STK24: variants seen among roughly 807,000 people sequenced by gnomAD.
The protein encoded by STK24 is serine/threonine kinase 24.
STK24 carries 21 observed loss-of-function variants against 55.6 expected under a neutral mutation model. That is an observed-to-expected ratio of 0.38 (90% CI 0.27 to 0.54). The LOEUF is 0.54. Among genes scored for constraint, STK24 ranks in the 20% least tolerant of loss-of-function variants. STK24 has a pLI of 0.79. For synonymous variants in STK24, 200 were observed against 215.2 expected (o/e 0.93, Z 0.62); for missense variants, 383 against 538.4 (o/e 0.71, Z 2.86).
Position 98,478,217 on chromosome 13 carries a change from G to C in STK24, c.331-2859C>G, listed in dbSNP as rs115426308. Among the ~76,000 whole-genome samples, 419 of 152,128 alleles carry C rather than the reference G, an allele frequency of 2.8e-3. 2 individuals carry two copies. Among genetic ancestry groups the C allele is most frequent in the African/African-American group, 9.3e-3 (384 of 41,510 alleles). On this transcript the variant is annotated intron_variant, in intron 3 of 10. Transcript: ENST00000539966. ...AGGCACTTGCAGACTCTTCAAATAG[G>C]ACCCAGGAAAAAAACCTAGACCACA...
At chr13:98,456,905 C>G in intron 10 of STK24, 1 of 551,966 alleles carries the variant, frequency 1.8e-6, no homozygotes, top group Non-Finnish European at 3.2e-6. Context: ...AGGTATTTCA[C>G]CACCACCCTG....
intron 2 of STK24, among the ~76,000 whole-genome samples, chr13:98,502,859 C>T (rs17574495): frequency 0.18 from 26,644 of 151,996 alleles, 2,770 homozygotes; most frequent in Non-Finnish European, 0.24. Context: ...AGGGAGAAGA[C>T]AGCACTGGGA....
In STK24 at chr13:98,519,467, T is replaced by G. The variant is rs1362092187; in HGVS notation, c.49A>C (p.Lys17Gln). 6.2e-6 allele frequency: 10 copies of G among 1,613,898 alleles called. No homozygotes were observed. In the South Asian group the frequency reaches 1.1e-4, roughly 18 times the overall value. ...GTAAAAAGCTCTTCTGGGTCTGCCTTTAGGTTCTGTAGAGAGAAGGAAGAG... is the reference window on the plus strand; with the variant it reads ...GTAAAAAGCTCTTCTGGGTCTGCCTGTAGGTTCTGTAGAGAGAAGGAAGAG... The part of the protein sequence containing the change: ...QSGLPGMQNL[K>Q]ADPEELFTKL... The change falls in exon 2 of 11, where the codon AAG (lysine) becomes CAG (glutamine). Residue 17 changes from lysine to glutamine, a missense_variant. Coordinates refer to ENST00000539966, the MANE Select transcript of STK24 (RefSeq NM_001032296.4).
At chr13:98,538,680 TCACACACATGCATG>T (rs1896801720) in intron 1 of STK24, among the ~76,000 whole-genome samples, 1 of 152,050 alleles carries the variant, frequency 6.6e-6, no homozygotes, top group Non-Finnish European at 1.5e-5. Flanking sequence ...ACATACACAT[TCACACACATGCATG>T]CACACACCTG....
At chr13:98,559,186 A>G (rs1352143799) in intron 1 of STK24, among the ~76,000 whole-genome samples, 2 of 152,056 alleles carry the variant, frequency 1.3e-5, no homozygotes, top group Non-Finnish European at 1.5e-5. Flanking sequence ...AAAAAAAGAA[A>G]AAAGTGTATT....
At chr13:98,474,646 T>C (rs1894295036) in intron 5 of STK24, among the ~76,000 whole-genome samples, 175 bp downstream of exon 5, 3 of 152,176 alleles carry the variant, frequency 2.0e-5, no homozygotes, top group Admixed American at 2.0e-4. Flanking sequence ...TATTAAATGA[T>C]ACAGCAGGAG....
chr13:98,504,585 A>G (rs1331706492), intron 2 of STK24, among the ~76,000 whole-genome samples: 1 of 152,236 alleles, frequency 6.6e-6, no homozygotes, highest in Non-Finnish European at 1.5e-5. Flanking sequence ...ACAGTGGTTC[A>G]TGGTGAGAAT....
At chr13:98,546,118 G>A (rs564726156) in intron 1 of STK24, among the ~76,000 whole-genome samples, 1 of 152,320 alleles carries the variant, frequency 6.6e-6, no homozygotes, top group East Asian at 1.9e-4. Context: ...AAAAGACAAT[G>A]CACAGATGAC....
At chr13:98,474,546 A>G (rs9645891) in intron 5 of STK24, among the ~76,000 whole-genome samples, 81,451 of 151,294 alleles carry the variant, frequency 0.54, 22,253 homozygotes, top group Non-Finnish European at 0.58. Flanking sequence ...ACCCCCCTCC[A>G]AACCCGCTCC....
intron 8 of STK24, 30 bp from the exon 9 acceptor site, chr13:98,460,470 G>GA: frequency 1.3e-6 from 2 of 1,587,228 alleles, no homozygotes; most frequent in Non-Finnish European, 1.7e-6. Flanking sequence ...AAGGTCATCA[G>GA]AAACAGTTGA....
chr13:98,556,780 T>C (rs1017110118), intron 1 of STK24, among the ~76,000 whole-genome samples: 3 of 152,158 alleles, frequency 2.0e-5, no homozygotes, highest in African/African-American at 7.2e-5. Flanking sequence ...AATTCTGCTA[T>C]GCAACTCACT....
At chr13:98,496,669 T>C (rs1455110318) in intron 2 of STK24, among the ~76,000 whole-genome samples, 1 of 152,210 alleles carries the variant, frequency 6.6e-6, no homozygotes, top group Non-Finnish European at 1.5e-5. Context: ...GCCACTAAAA[T>C]GAGCTGCACA....
intron 1 of STK24, among the ~76,000 whole-genome samples, chr13:98,535,656 T>C (rs929492941): frequency 3.9e-5 from 6 of 152,032 alleles, no homozygotes; most frequent in African/African-American, 1.5e-4. Context: ...AACCACCCCA[T>C]GAGAAAGAGA....
chr13:98,461,813 C>A lies in STK24; in HGVS notation c.1014G>T (p.Glu338Asp). ...AGTCCGATGGCTGAAGAGCTCCATTCTCGAGATTCTTGGGATCTTTTTCTC... is the reference window on the plus strand; with the variant it reads ...AGTCCGATGGCTGAAGAGCTCCATTATCGAGATTCTTGGGATCTTTTTCTC... ...TIREKDPKNL[E>D]NGALQPSDLD... The change falls in exon 8 of 11, where the codon GAG becomes GAT. Residue 338 changes from glutamate to aspartate, a missense_variant. Transcript: ENST00000539966. The A allele has an allele frequency of 1.9e-6, 3 of 1,614,172 alleles. No individual in the cohort carries two copies. Among genetic ancestry groups the A allele is most frequent in the Non-Finnish European group, 2.5e-6 (3 of 1,179,998 alleles).
chr13:98,487,969 TTTA>T (rs765295514), intron 2 of STK24, among the ~76,000 whole-genome samples: 3 of 151,996 alleles, frequency 2.0e-5, no homozygotes, highest in Non-Finnish European at 4.4e-5. Flanking sequence ...CAAGTTTTAT[TTTA>T]TTATTATTTT....
chr13:98,473,645 C>T (rs1894247635), intron 5 of STK24, among the ~76,000 whole-genome samples: 1 of 152,162 alleles, frequency 6.6e-6, no homozygotes, highest in African/African-American at 2.4e-5. Context: ...GCCAGGTCTG[C>T]TGTGTGGGTA....
intron 1 of STK24, among the ~76,000 whole-genome samples, chr13:98,520,983 G>A (rs1408545269): frequency 6.6e-6 from 1 of 152,218 alleles, no homozygotes; most frequent in Non-Finnish European, 1.5e-5. Flanking sequence ...CAAGGCTTGC[G>A]TGGTGGACAT....
intron 1 of STK24, among the ~76,000 whole-genome samples, chr13:98,532,567 G>A (rs1372117917): frequency 1.3e-5 from 2 of 152,086 alleles, no homozygotes; most frequent in Non-Finnish European, 1.5e-5. Flanking sequence ...GCCCCAAAGG[G>A]TGCTTCGTGT....
At chr13:98,536,114 G>A (rs1282617980) in intron 1 of STK24, among the ~76,000 whole-genome samples, 2 of 152,164 alleles carry the variant, frequency 1.3e-5, no homozygotes, top group Non-Finnish European at 2.9e-5. Context: ...AGGTTGATTT[G>A]TCACAAATAG....
Sources: gnomAD v4.1 joint callset for allele counts (sites outside exome capture counted in the v4.1 genomes callset) on GRCh38, gnomAD v4.1.1 for gene constraint, MANE v1.5 for transcripts, NCBI Gene and HGNC (gene_info 2026-07-23, HGNC 2026-07-21) for gene names.